MAPK10: variants seen among roughly 807,000 people sequenced by gnomAD.
The protein encoded by MAPK10 is JNK3 alpha protein kinase.
In MAPK10, 25 loss-of-function variants were observed where a neutral mutation model predicts 59.3. That is an observed-to-expected ratio of 0.42 (90% CI 0.31 to 0.59). MAPK10 has a LOEUF of 0.59. MAPK10 is among the 20% of genes least tolerant of loss of function. The pLI is 0.15. For synonymous variants in MAPK10, 190 were observed against 200.5 expected (o/e 0.95, Z 0.44); for missense variants, 351 against 568.9 (o/e 0.62, Z 3.90).
At chr4:86,372,544 GA>G (rs372960269) in intron 1 of MAPK10, among the ~76,000 whole-genome samples, 37,273 of 76,070 alleles carry the variant, frequency 0.49, 6,045 homozygotes, top group Admixed American at 0.55. Flanking sequence ...AAGAAAGAAA[GA>G]AAGAAAGAAA....
chr4:86,588,763 A>C (rs957831279), intron 1 of MAPK10, among the ~76,000 whole-genome samples: 1 of 152,178 alleles, frequency 6.6e-6, no homozygotes, highest in African/African-American at 2.4e-5. Flanking sequence ...ACTTACAGAA[A>C]CTTTTTATTA....
At chr4:86,455,572 T>A (rs894389155), upstream of MAPK10, among the ~76,000 whole-genome samples, 16 of 152,192 alleles carry the variant, frequency 1.1e-4, no homozygotes, top group Middle Eastern at 3.2e-3. Context: ...GGTCATTATA[T>A]AATGATAAAA....
chr4:86,068,878 C>G (rs2047231908), intron 9 of MAPK10, among the ~76,000 whole-genome samples: 1 of 152,146 alleles, frequency 6.6e-6, no homozygotes, highest in African/African-American at 2.4e-5. Context: ...GAAGAACCAA[C>G]TGGAAACAAC....
intron 3 of MAPK10, among the ~76,000 whole-genome samples, chr4:86,167,953 T>C (rs1005199686): frequency 1.3e-5 from 2 of 152,236 alleles, no homozygotes; most frequent in African/African-American, 2.4e-5. Flanking sequence ...TGTTTGCAGA[T>C]GACATGATCC....
intron 2 of MAPK10, among the ~76,000 whole-genome samples, chr4:86,313,721 A>G (rs1442738506): frequency 5.9e-5 from 9 of 152,154 alleles, no homozygotes; most frequent in Admixed American, 5.9e-4. Context: ...AATACCAAGT[A>G]GCAGCTGCAG....
At position 86,330,619 on chromosome 4, in the gene MAPK10, C is replaced by T. The variant is rs546702913; in HGVS notation, c.-7+23911G>A. Among the ~76,000 whole-genome samples the T allele has an allele frequency of 7.9e-5, 12 of 152,260 alleles. No individual in the cohort carries two copies. In the South Asian group the frequency reaches 2.5e-3, roughly 32 times the overall value. ...CCCTCTTTGCTCAGCACTTCCCCTTCCTATCATCATGTGAAGGATGTGTTT... is the reference window on the plus strand; with the variant it reads ...CCCTCTTTGCTCAGCACTTCCCCTTTCTATCATCATGTGAAGGATGTGTTT... On this transcript the variant is annotated intron_variant, in intron 2 of 13. Transcript: ENST00000641462.
chr4:86,479,885 A>G (rs768752960), intron 1 of MAPK10, among the ~76,000 whole-genome samples: 2 of 151,708 alleles, frequency 1.3e-5, no homozygotes, highest in African/African-American at 2.4e-5. Context: ...CTTACCACAA[A>G]ATCTTCCTTC....
At chr4:86,547,088 G>A (rs978727553) in intron 1 of MAPK10, among the ~76,000 whole-genome samples, 6 of 152,196 alleles carry the variant, frequency 3.9e-5, no homozygotes, top group African/African-American at 1.4e-4. Context: ...GGGAAAGGCT[G>A]ATTATTGGAG....
At chr4:86,549,796 G>A (rs1466940273) in intron 1 of MAPK10, among the ~76,000 whole-genome samples, 1 of 152,140 alleles carries the variant, frequency 6.6e-6, no homozygotes, top group African/African-American at 2.4e-5. Flanking sequence ...AGTGAGCTAT[G>A]ATTGTGCCAT....
At chr4:86,564,921 C>A (rs1015791077) in intron 1 of MAPK10, among the ~76,000 whole-genome samples, 1 of 152,086 alleles carries the variant, frequency 6.6e-6, no homozygotes, top group African/African-American at 2.4e-5. Context: ...AGTTCAAGGG[C>A]CTCCCACACT....
At chr4:86,034,837 A>G (rs1364834377) in intron 11 of MAPK10, among the ~76,000 whole-genome samples, 1 of 152,150 alleles carries the variant, frequency 6.6e-6, no homozygotes, top group African/African-American at 2.4e-5. Flanking sequence ...GGAGGAAAAA[A>G]GTGACTCCAT....
chr4:86,031,284 A>G, intron 12 of MAPK10, 84 bp downstream of exon 12: 1 of 970,138 alleles, frequency 1.0e-6, no homozygotes, highest in Non-Finnish European at 1.6e-6. Context: ...ATTTTTTAGT[A>G]AATTGTTTTA....
chr4:86,529,393 G>C (rs1248054082), intron 1 of MAPK10, among the ~76,000 whole-genome samples: 1 of 152,058 alleles, frequency 6.6e-6, no homozygotes, highest in East Asian at 1.9e-4. Context: ...TTTGAAGGAG[G>C]AGGCCATTGT....
chr4:86,297,397 C>T (rs1731190203), intron 2 of MAPK10, among the ~76,000 whole-genome samples: 5 of 152,142 alleles, frequency 3.3e-5, no homozygotes, highest in Admixed American at 2.0e-4. Flanking sequence ...GCAACCCCTG[C>T]CTCCCGGATT....
chr4:86,360,176 A>C, upstream of MAPK10: 1 of 986,094 alleles, frequency 1.0e-6, no homozygotes, highest in Non-Finnish European at 1.2e-6. Flanking sequence ...GGAAACAGAA[A>C]GAGGAAGCGT....
intron 13 of MAPK10, among the ~76,000 whole-genome samples, chr4:86,022,714 G>T (rs1747919535): frequency 6.6e-6 from 1 of 152,010 alleles, no homozygotes; most frequent in Non-Finnish European, 1.5e-5. Flanking sequence ...TTGCCATGTT[G>T]CCCAAGCTGG....
At chr4:86,152,772 A>G (rs995201041) in intron 4 of MAPK10, 12 of 152,142 alleles carry the variant, frequency 7.9e-5, no homozygotes, top group African/African-American at 2.4e-4. Flanking sequence ...CATACCTACT[A>G]TCTTTTTTAA....
In MAPK10 at chr4:86,014,873, A is replaced by G. The variant is rs1156720998; in HGVS notation, c.*2355T>C. 6.6e-6 allele frequency: 1 copy of G among 152,144 alleles called. No individual in the cohort carries two copies. Among genetic ancestry groups the G allele is most frequent in the African/African-American group, 2.4e-5 (1 of 41,422 alleles). The allele number at this position is 152,144 out of a possible 1,614,324, so 9.4% of individuals were successfully genotyped here. A position where few individuals can be genotyped will look rare whatever the true frequency, so the allele number is the denominator to read the frequency against. Reference sequence around the variant, plus strand: ...GAAATTCCCCTTGAGACTCTCTTTAAAGCAGCTTCCTGCTCTCCGCACTTA... The same window carrying G: ...GAAATTCCCCTTGAGACTCTCTTTAGAGCAGCTTCCTGCTCTCCGCACTTA... On this transcript the variant is annotated 3_prime_UTR_variant, in exon 14 of 14. Coordinates refer to ENST00000641462, the MANE Select transcript of MAPK10 (RefSeq NM_138982.4).
chr4:86,263,078 C>T (rs2094075413), intron 2 of MAPK10, among the ~76,000 whole-genome samples: 1 of 152,186 alleles, frequency 6.6e-6, no homozygotes. Context: ...ATGACCCTCT[C>T]CACACTAACT....
Sources: gnomAD v4.1 joint callset for allele counts (sites outside exome capture counted in the v4.1 genomes callset) on GRCh38, gnomAD v4.1.1 for gene constraint, MANE v1.5 for transcripts, NCBI Gene and HGNC (gene_info 2026-07-23, HGNC 2026-07-21) for gene names.